LHPP: variants seen among roughly 807,000 people sequenced by gnomAD.
LHPP encodes hLHPP.
LHPP carries 24 observed loss-of-function variants against 30.3 expected under a neutral mutation model. The observed-to-expected ratio is 0.79, with a 90% CI of 0.57 to 1.11. The LOEUF (loss-of-function observed/expected upper bound fraction) is 1.11. Among genes scored for constraint, LHPP ranks in the 50% most tolerant of loss-of-function variants. The pLI is 0.00. For missense variants in LHPP, 356 were observed against 367.2 expected, an observed-to-expected ratio of 0.97 and a Z score of 0.25; for synonymous variants, 150 against 157.1, an observed-to-expected ratio of 0.95 and a Z score of 0.34.
intron 5 of LHPP, among the ~76,000 whole-genome samples, chr10:124,507,894 CGGGGGGGTAGACAGGATTTCAGGT>C (rs1564798607): frequency 1.1e-4 from 1 of 8,816 alleles, no homozygotes; most frequent in African/African-American, 6.8e-4. Context: ...GATTTCAGGT[CGGGGGGGTAGACAGGATTTCAGGT>C]GGGGAGGGTA....
chr10:124,587,334 C>T (rs543113126), intron 6 of LHPP, among the ~76,000 whole-genome samples: 1 of 152,166 alleles, frequency 6.6e-6, no homozygotes, highest in South Asian at 2.1e-4. Flanking sequence ...CGCGCCCGGC[C>T]TCCACTTTCT....
At chr10:124,557,654 C>T (rs193167635) in intron 6 of LHPP, among the ~76,000 whole-genome samples, 2 of 152,232 alleles carry the variant, frequency 1.3e-5, no homozygotes, top group Admixed American at 1.3e-4. Context: ...TGGGGTGAGG[C>T]TGGGGATGAA....
intron 6 of LHPP, among the ~76,000 whole-genome samples, chr10:124,547,723 G>A (rs1955386789): frequency 7.3e-6 from 1 of 137,346 alleles, no homozygotes; most frequent in African/African-American, 3.3e-5. Context: ...GCTCAGGCTG[G>A]ACCCAGCCCT....
intron 6 of LHPP, among the ~76,000 whole-genome samples, chr10:124,583,303 T>A (rs1413570090): frequency 6.6e-6 from 1 of 152,208 alleles, no homozygotes; most frequent in Non-Finnish European, 1.5e-5. Flanking sequence ...TTTTGATACA[T>A]TGTTAATTCA....
rs1334944646 is a variant in LHPP at position 124,576,079 on chromosome 10, A to G, written c.717-37185A>G. The stretch of plus-strand genomic sequence containing the variant: ...TTCCCACTGGATTGGTCGTTTCTGC[A>G]TTGTCCGGAGCTCTCAGACCTGGTT... On this transcript the variant is annotated intron_variant, in intron 6 of 6. Coordinates refer to ENST00000368842, the MANE Select transcript of LHPP (RefSeq NM_022126.4). This position sits in a 1 kb window ranked among gnomAD's most constrained non-coding sequence, Gnocchi z 4.2. Among the ~76,000 whole-genome samples, 3 of 152,130 alleles carry G rather than the reference A, an allele frequency of 2.0e-5. No individual in the cohort carries two copies. Among genetic ancestry groups the G allele is most frequent in the African/African-American group, 7.2e-5 (3 of 41,410 alleles).
In LHPP at chr10:124,588,071, A is replaced by G. The variant is rs73375225; in HGVS notation, c.717-25193A>G. ...CACTGCCCCTCTCCAGGCAGGCCACATTCACAGGTGTTCTGTACAGAGAGC... is the reference window on the plus strand; with the variant it reads ...CACTGCCCCTCTCCAGGCAGGCCACGTTCACAGGTGTTCTGTACAGAGAGC... On this transcript the variant is annotated intron_variant, in intron 6 of 6. Coordinates refer to ENST00000368842, the MANE Select transcript of LHPP (RefSeq NM_022126.4). Among the ~76,000 whole-genome samples, 323 of 152,336 alleles carry G rather than the reference A, an allele frequency of 2.1e-3. 1 individual carries two copies. Among genetic ancestry groups the G allele is most frequent in the African/African-American group, 7.5e-3 (311 of 41,590 alleles).
At chr10:124,512,306 A>G (rs1216525497) in intron 5 of LHPP, among the ~76,000 whole-genome samples, 3 of 152,222 alleles carry the variant, frequency 2.0e-5, no homozygotes, top group South Asian at 2.1e-4. Context: ...ACATTTCCTC[A>G]TGTTTCTGTT....
intron 6 of LHPP, among the ~76,000 whole-genome samples, chr10:124,525,180 C>T (rs900696341): frequency 1.3e-5 from 2 of 152,204 alleles, no homozygotes; most frequent in Admixed American, 6.5e-5. Flanking sequence ...TGAGCTGTGG[C>T]TTGTTCATCG....
rs567839004 is a variant in LHPP, at chr10:124,541,451, C to T, written c.716+24180C>T. Among the ~76,000 whole-genome samples, 72 of 152,280 alleles carry T rather than the reference C, an allele frequency of 4.7e-4. No individual in the cohort carries two copies. Among genetic ancestry groups the T allele is most frequent in the African/African-American group, 1.7e-3 (71 of 41,552 alleles). On this transcript the variant is annotated intron_variant, in intron 6 of 6. Transcript: ENST00000368842. This position sits in a 1 kb window ranked among gnomAD's most constrained non-coding sequence, Gnocchi z 4.2. ...TGCAGTTCCTGAGGTGGCAGAAGAG[C>T]CAGCCTCTGCTAGCCCCAGACCTAA... is the stretch of plus-strand genomic sequence containing the variant.
chr10:124,498,269 G>A, intron 5 of LHPP, 141 bp downstream of exon 5: 1 of 1,547,028 alleles, frequency 6.5e-7, no homozygotes, highest in Non-Finnish European at 8.9e-7. Context: ...AAGCTGACCT[G>A]GCTGGGAAGG....
At chr10:124,539,914 T>C (rs1955139745) in intron 6 of LHPP, among the ~76,000 whole-genome samples, 1 of 151,846 alleles carries the variant, frequency 6.6e-6, no homozygotes, top group Non-Finnish European at 1.5e-5. Context: ...AAAAATAAAA[T>C]AGACATAATA....
intron 6 of LHPP, among the ~76,000 whole-genome samples, chr10:124,520,940 T>C (rs1158327179): frequency 6.6e-6 from 1 of 152,236 alleles, no homozygotes; most frequent in African/African-American, 2.4e-5. Context: ...GAAATGCTGA[T>C]ATTTCGTGTT....
intron 1 of LHPP, among the ~76,000 whole-genome samples, chr10:124,465,384 A>G (rs1429023742): frequency 6.6e-6 from 1 of 152,228 alleles, no homozygotes; most frequent in African/African-American, 2.4e-5. Flanking sequence ...TAGGCATATC[A>G]TGTGGTCTGA....
At position 124,478,361 on chromosome 10, in the gene LHPP, G is replaced by A. The variant is rs960568031; in HGVS notation, c.126-5778G>A. Among the ~76,000 whole-genome samples, 4 of 152,150 alleles carry A rather than the reference G, an allele frequency of 2.6e-5. No individual in the cohort carries two copies. Among genetic ancestry groups the A allele is most frequent in the African/African-American group, 4.8e-5 (2 of 41,436 alleles). On this transcript the variant is annotated intron_variant, in intron 1 of 6. Transcript: ENST00000368842. This position sits in a 1 kb window ranked among gnomAD's most constrained non-coding sequence, Gnocchi z 4.7. ...GGGTCACACGAAGGTGACCAGTACCGGGGCTAGAGGGCAGGGGGCCCAGCT... is the reference window on the plus strand; with the variant it reads ...GGGTCACACGAAGGTGACCAGTACCAGGGCTAGAGGGCAGGGGGCCCAGCT...
intron 6 of LHPP, among the ~76,000 whole-genome samples, chr10:124,580,682 C>T (rs72837393): frequency 0.07 from 10,518 of 150,910 alleles, 443 homozygotes; most frequent in South Asian, 0.22. Flanking sequence ...CATACACCAT[C>T]GCTATCAGTC....
chr10:124,498,802 C>T (rs1365049006), intron 5 of LHPP: 1 of 420,708 alleles, frequency 2.4e-6, no homozygotes, highest in Non-Finnish European at 4.6e-6. Flanking sequence ...CCCCTTAACC[C>T]CCTTACTAAC....
intron 6 of LHPP, among the ~76,000 whole-genome samples, chr10:124,537,181 C>G (rs2133939401): frequency 6.6e-6 from 1 of 152,314 alleles, no homozygotes; most frequent in Non-Finnish European, 1.5e-5. Context: ...CCTGGCTGAC[C>G]CCAGCACCGC....
At chr10:124,611,043 C>T (rs7917990) in intron 6 of LHPP, among the ~76,000 whole-genome samples, 3,634 of 135,412 alleles carry the variant, frequency 0.027, 153 homozygotes, top group African/African-American at 0.067. Context: ...GGAGCGGGTG[C>T]GGGTGAGGGG....
chr10:124,605,710 G>A (rs939668412), intron 6 of LHPP, among the ~76,000 whole-genome samples: 2 of 152,164 alleles, frequency 1.3e-5, no homozygotes, highest in African/African-American at 2.4e-5. Context: ...GCCATGCTGA[G>A]GAGCCAGGCT....
Sources: gnomAD v4.1 joint callset for allele counts (sites outside exome capture counted in the v4.1 genomes callset) on GRCh38, gnomAD v4.1.1 for gene constraint, Gnocchi (gnomAD v3.1) non-coding constraint, MANE v1.5 for transcripts, NCBI Gene and HGNC (gene_info 2026-07-23, HGNC 2026-07-21) for gene names.